The following BZW2 variants were observed in gnomAD, a reference collection of about 807,000 sequenced individuals.
BZW2 encodes eIF5-mimic protein 1.
A neutral mutation model predicts 53.2 loss-of-function variants in BZW2; 23 were observed. That is an observed-to-expected ratio of 0.43 (90% confidence interval 0.31 to 0.61). BZW2 has a LOEUF of 0.61. BZW2 is among the 20% of genes least tolerant of loss of function. The pLI, the probability that BZW2 is intolerant of heterozygous loss-of-function variation, is 0.09. For missense variants in BZW2, 409 were observed against 503.1 expected, an observed-to-expected ratio of 0.81 and a Z score of 1.79; for synonymous variants, 227 against 186.4, an observed-to-expected ratio of 1.22 and a Z score of -1.77.
intron 1 of BZW2, among the ~76,000 whole-genome samples, chr7:16,647,207 T>C (rs971421201): frequency 3.3e-5 from 5 of 152,214 alleles, no homozygotes; most frequent in African/African-American, 1.2e-4. Context: ...AAAGTTTCTT[T>C]GGAAATTAGT....
At chr7:16,651,584 A>G (rs933110466) in intron 1 of BZW2, among the ~76,000 whole-genome samples, 3 of 152,240 alleles carry the variant, frequency 2.0e-5, no homozygotes, top group Non-Finnish European at 4.4e-5. Flanking sequence ...TGCTGGCTGG[A>G]GGAAAAGGAT....
Position 16,668,437 on chromosome 7 carries a change from T to C in BZW2, c.58+2936T>C, listed in dbSNP as rs565152597. On this transcript the variant is annotated intron_variant, in intron 2 of 11. Transcript: ENST00000258761. The stretch of plus-strand genomic sequence containing the variant: ...TCTAGATTCATATAACTCATATCTC[T>C]TGGGGATTGAAGCAACACTTGAGCC... Among the ~76,000 whole-genome samples, 44 of 152,328 alleles carry C rather than the reference T, an allele frequency of 2.9e-4. 1 individual carries two copies. In the South Asian group the frequency reaches 8.7e-3, roughly 30 times the overall value.
At chr7:16,647,349 A>G (rs1460163888) in intron 1 of BZW2, among the ~76,000 whole-genome samples, 2 of 152,210 alleles carry the variant, frequency 1.3e-5, no homozygotes, top group Non-Finnish European at 2.9e-5. Context: ...AAGCATCCCC[A>G]GGACCACTGT....
At chr7:16,685,220 C>A (rs753573820) in intron 5 of BZW2, among the ~76,000 whole-genome samples, 37 of 152,136 alleles carry the variant, frequency 2.4e-4, no homozygotes, top group Non-Finnish European at 4.1e-4. Flanking sequence ...AGCTTACATT[C>A]AAATTTTCTA....
At chr7:16,650,562 T>C (rs902530522) in intron 1 of BZW2, among the ~76,000 whole-genome samples, 3 of 152,226 alleles carry the variant, frequency 2.0e-5, no homozygotes, top group African/African-American at 7.2e-5. Flanking sequence ...CTTTCTAATT[T>C]GTGCAATTTT....
At chr7:16,680,163 A>C (rs1782894149) in intron 3 of BZW2, among the ~76,000 whole-genome samples, 1 of 152,146 alleles carries the variant, frequency 6.6e-6, no homozygotes, top group Admixed American at 6.5e-5. Context: ...ACCCAAGTAG[A>C]AGGCAAAAAG....
chr7:16,688,753 GTCT>G, intron 6 of BZW2, among the ~76,000 whole-genome samples: 1 of 152,140 alleles, frequency 6.6e-6, no homozygotes. Flanking sequence ...TCATAGAACT[GTCT>G]TCTTGTTATC....
intron 10 of BZW2, among the ~76,000 whole-genome samples, chr7:16,702,974 TA>T (rs1313158303): frequency 6.6e-6 from 1 of 152,232 alleles, no homozygotes; most frequent in Non-Finnish European, 1.5e-5. Flanking sequence ...ATCTTAAAGA[TA>T]ATTTACAAGT....
At chr7:16,686,077 A>T (rs1783115210) in intron 6 of BZW2, 37 bp downstream of exon 6, 1 of 1,606,934 alleles carries the variant, frequency 6.2e-7, no homozygotes. Context: ...GTCAGACAAC[A>T]AAAGAAAAAT....
intron 3 of BZW2, among the ~76,000 whole-genome samples, chr7:16,676,423 C>T (rs923335774): frequency 6.6e-6 from 1 of 152,074 alleles, no homozygotes; most frequent in African/African-American, 2.4e-5. Flanking sequence ...TGGTGGGTGC[C>T]TGTAATCCCA....
chr7:16,683,161 A>C (rs1783006302), intron 5 of BZW2, among the ~76,000 whole-genome samples: 1 of 152,150 alleles, frequency 6.6e-6, no homozygotes, highest in African/African-American at 2.4e-5. Flanking sequence ...ACTCCACTGC[A>C]CTCCAGCCTG....
chr7:16,687,166 G>A (rs1323591033), intron 6 of BZW2: 1 of 152,020 alleles, frequency 6.6e-6, no homozygotes, highest in Non-Finnish European at 1.5e-5. Context: ...TTATTAGGTG[G>A]ATAGATATCT....
In BZW2 at chr7:16,650,183, T is replaced by G. The variant is rs543827290; in HGVS notation, c.-8+3895T>G. Reference sequence around the variant, plus strand: ...TTCCATAAACATTTGACATCACATTTTAACTTCTCCAAAAAGTAAAAGGTT... The same window carrying G: ...TTCCATAAACATTTGACATCACATTGTAACTTCTCCAAAAAGTAAAAGGTT... On this transcript the variant is annotated intron_variant, in intron 1 of 11. Coordinates refer to ENST00000258761, the MANE Select transcript of BZW2 (RefSeq NM_014038.3). 2.2e-4 allele frequency among the ~76,000 whole-genome samples: 33 copies of G among 152,352 alleles called. 1 individual carries two copies. Among genetic ancestry groups the G allele is most frequent in the African/African-American group, 7.9e-4 (33 of 41,590 alleles).
chr7:16,682,096 T>G (rs1782962773), intron 4 of BZW2, among the ~76,000 whole-genome samples: 1 of 152,176 alleles, frequency 6.6e-6, no homozygotes, highest in African/African-American at 2.4e-5. Context: ...TCCATCTTGA[T>G]TACATTAGGA....
In BZW2 at chr7:16,694,842, T is replaced by C. The variant is rs706036; in HGVS notation, c.660T>C (p.Phe220=). 3,772 of 1,510,558 alleles carry C rather than the reference T, an allele frequency of 2.5e-3. 78 individuals carry two copies. In the African/African-American group the frequency reaches 0.044, roughly 18 times the overall value. 93.6% of individuals were successfully genotyped at this position (1,510,558 alleles called of 1,614,324 possible). A position where few individuals can be genotyped will look rare whatever the true frequency, so the allele number is the denominator to read the frequency against. The change falls in exon 8 of 12, where the codon TTT becomes TTC. Residue 220 remains phenylalanine (F), a synonymous_variant. Transcript: ENST00000258761. ...ANLDKRLLEL[F]PVNRQSVDHF... ...TTTTTTCCCTTTTTCAGGAACTCTT[T>C]CCAGTTAACAGACAGAGTGTGGATC...
At chr7:16,656,856 G>A (rs1238826648) in intron 1 of BZW2, among the ~76,000 whole-genome samples, 1 of 152,108 alleles carries the variant, frequency 6.6e-6, no homozygotes, top group African/African-American at 2.4e-5. Flanking sequence ...TTAGTTATTT[G>A]GGTCCTCAAA....
chr7:16,677,208 A>G (rs1255269204), intron 3 of BZW2, among the ~76,000 whole-genome samples: 1 of 152,138 alleles, frequency 6.6e-6, no homozygotes, highest in Non-Finnish European at 1.5e-5. Flanking sequence ...CAGGCAATAG[A>G]TGATTGGCTA....
At chr7:16,651,956 T>A (rs1177433687) in intron 1 of BZW2, among the ~76,000 whole-genome samples, 1 of 152,228 alleles carries the variant, frequency 6.6e-6, no homozygotes, top group Non-Finnish European at 1.5e-5. Context: ...TCGAGAATCA[T>A]ATAAATAATT....
intron 7 of BZW2, among the ~76,000 whole-genome samples, chr7:16,693,118 G>A (rs986028392): frequency 6.6e-6 from 1 of 152,152 alleles, no homozygotes; most frequent in African/African-American, 2.4e-5. Flanking sequence ...TGTGTAATGT[G>A]ATTTTGACTC....
Sources: gnomAD v4.1 joint callset for allele counts (sites outside exome capture counted in the v4.1 genomes callset) on GRCh38, gnomAD v4.1.1 for gene constraint, MANE v1.5 for transcripts, NCBI Gene and HGNC (gene_info 2026-07-23, HGNC 2026-07-21) for gene names.